The following EPB41L4A variants were observed in gnomAD, a reference collection of about 807,000 sequenced individuals.
EPB41L4A encodes the protein band 4.1-like protein 4A.
Under a neutral mutation model 108.6 loss-of-function variants are expected in EPB41L4A, and 100 were observed. That is an observed-to-expected ratio of 0.92 (90% CI 0.78 to 1.09). The LOEUF (loss-of-function observed/expected upper bound fraction) is 1.09. Among genes scored for constraint, EPB41L4A ranks in the 50% least tolerant of loss-of-function variants. The pLI, the probability that EPB41L4A is intolerant of heterozygous loss-of-function variation, is 0.00. For missense variants in EPB41L4A, 1,030 were observed against 842.7 expected, an observed-to-expected ratio of 1.22 and a Z score of -2.75; for synonymous variants, 319 against 289.0, an observed-to-expected ratio of 1.10 and a Z score of -1.05.
At chr5:112,226,500 G>A (rs1428752701) in intron 12 of EPB41L4A, among the ~76,000 whole-genome samples, 1 of 152,188 alleles carries the variant, frequency 6.6e-6, no homozygotes, top group Non-Finnish European at 1.5e-5. Context: ...ACTTCAAATA[G>A]GGGAAACCAC....
chr5:112,158,887 A>C (rs75330993), downstream of EPB41L4A, among the ~76,000 whole-genome samples: 6 of 152,178 alleles, frequency 3.9e-5, no homozygotes, highest in African/African-American at 1.4e-4. Context: ...AAAACATGTC[A>C]CTGACTTTCC....
intron 1 of EPB41L4A, among the ~76,000 whole-genome samples, chr5:112,314,505 TAAAAAAAAAAAAAAAAA>T (rs552428109): frequency 1.1e-4 from 6 of 55,184 alleles, no homozygotes; most frequent in Admixed American, 2.8e-4. Flanking sequence ...CCATCGCTAC[TAAAAAAAAAAAAAAAAA>T]AAAAAAAAAA....
chr5:112,300,846 G>T (rs6594583), intron 2 of EPB41L4A, among the ~76,000 whole-genome samples: 81,665 of 151,874 alleles, frequency 0.54, 23,735 homozygotes, highest in African/African-American at 0.78. Flanking sequence ...TTTTTTTAAT[G>T]CTTTTTTCTT....
intron 18 of EPB41L4A, among the ~76,000 whole-genome samples, chr5:112,174,089 C>T (rs1332545739): frequency 2.0e-5 from 3 of 152,106 alleles, no homozygotes; most frequent in Admixed American, 6.5e-5. Context: ...TCTGACGTGG[C>T]CAATAGTTTC....
intron 1 of EPB41L4A, among the ~76,000 whole-genome samples, chr5:112,323,650 AC>A (rs1317713010): frequency 6.6e-6 from 1 of 152,100 alleles, no homozygotes; most frequent in Non-Finnish European, 1.5e-5. Flanking sequence ...CTTAAACCAG[AC>A]CCTAAAAAGT....
At chr5:112,213,811 T>C (rs1233112134) in intron 12 of EPB41L4A, among the ~76,000 whole-genome samples, 1 of 152,208 alleles carries the variant, frequency 6.6e-6, no homozygotes, top group African/African-American at 2.4e-5. Flanking sequence ...TGGGAGCACT[T>C]CTGAAGTATC....
chr5:112,201,682 T>C (rs1435742290), intron 15 of EPB41L4A, among the ~76,000 whole-genome samples: 1 of 152,202 alleles, frequency 6.6e-6, no homozygotes, highest in Non-Finnish European at 1.5e-5. Flanking sequence ...CAACACACAA[T>C]ACACACAAAT....
chr5:112,289,260 A>G (rs1753492881), intron 2 of EPB41L4A, among the ~76,000 whole-genome samples: 1 of 152,158 alleles, frequency 6.6e-6, no homozygotes, highest in Non-Finnish European at 1.5e-5. Flanking sequence ...TACTATGGAT[A>G]CTCATTGAAA....
intron 9 of EPB41L4A, among the ~76,000 whole-genome samples, chr5:112,244,160 G>A (rs1035460078): frequency 6.6e-6 from 1 of 152,178 alleles, no homozygotes; most frequent in Non-Finnish European, 1.5e-5. Flanking sequence ...AACTGACCTA[G>A]TTTCAATATT....
At chr5:112,382,796 T>C (rs777306467) in intron 1 of EPB41L4A, among the ~76,000 whole-genome samples, 19 of 152,192 alleles carry the variant, frequency 1.2e-4, no homozygotes, top group Non-Finnish European at 1.5e-4. Flanking sequence ...GGAATTTTCC[T>C]TCCTGGCTTC....
intron 16 of EPB41L4A, among the ~76,000 whole-genome samples, chr5:112,195,125 T>A (rs1761897787): frequency 6.6e-6 from 1 of 152,128 alleles, no homozygotes; most frequent in Admixed American, 6.6e-5. Context: ...GACTAGCCCC[T>A]TAACCGACTG....
At chr5:112,318,086 G>A (rs372211813) in intron 1 of EPB41L4A, among the ~76,000 whole-genome samples, 9 of 152,240 alleles carry the variant, frequency 5.9e-5, no homozygotes, top group African/African-American at 2.2e-4. Flanking sequence ...ACTCAGAGCC[G>A]AGAGATGAGT....
chr5:112,310,126 T>A (rs1240580589), intron 1 of EPB41L4A, among the ~76,000 whole-genome samples: 1 of 152,222 alleles, frequency 6.6e-6, no homozygotes, highest in Non-Finnish European at 1.5e-5. Flanking sequence ...AATGACTGTA[T>A]GTTTAAACCA....
intron 12 of EPB41L4A, among the ~76,000 whole-genome samples, chr5:112,233,827 G>C (rs1369441862): frequency 1.3e-5 from 2 of 151,896 alleles, no homozygotes; most frequent in Non-Finnish European, 2.9e-5. Flanking sequence ...GTCTTGTGTG[G>C]TTTTTGTTGT....
chr5:112,181,908 A>G (rs1372591891), intron 18 of EPB41L4A, among the ~76,000 whole-genome samples: 1 of 152,060 alleles, frequency 6.6e-6, no homozygotes, highest in African/African-American at 2.4e-5. Context: ...CCCCATCTCT[A>G]CTGAAAATAG....
At chr5:112,319,060 G>C (rs1755600647) in intron 1 of EPB41L4A, among the ~76,000 whole-genome samples, 1 of 152,078 alleles carries the variant, frequency 6.6e-6, no homozygotes, top group South Asian at 2.1e-4. Flanking sequence ...CCACATCTTT[G>C]GTTTCTAAAT....
At position 112,419,031 on chromosome 5, in the gene EPB41L4A, A is replaced by G; in HGVS notation, c.9T>C (p.Cys3=). 1 of 1,613,334 alleles carries G rather than the reference A, an allele frequency of 6.2e-7. No individual in the cohort carries two copies. The highest frequency in any genetic ancestry group is 8.5e-7 in the Non-Finnish European group (1 of 1,179,522). The stretch of plus-strand genomic sequence containing the variant: ...AAAATTCTTCCGGAACAGCGCAGAA[A>G]CAGCCCATGTCGGTTGTGGTCGTCT... MG[C]FCAVPEEFYC... The change falls in exon 1 of 23, where the codon TGT becomes TGC. Residue 3 remains cysteine, a synonymous_variant. Coordinates refer to ENST00000261486, the MANE Select transcript of EPB41L4A (RefSeq NM_022140.5).
intron 4 of EPB41L4A, 60 bp from the exon 5 acceptor site, chr5:112,266,390 C>G (rs563638589): frequency 1.6e-5 from 19 of 1,179,618 alleles, no homozygotes; most frequent in Admixed American, 1.3e-4. Flanking sequence ...CCTGAGGTTT[C>G]GGACCCTGAT....
In EPB41L4A at chr5:112,265,443, T is replaced by C. The variant is rs144040216; in HGVS notation, c.434-427A>G. Among the ~76,000 whole-genome samples, 119 of 152,184 alleles carry C rather than the reference T, an allele frequency of 7.8e-4. No individual in the cohort carries two copies. In the Middle Eastern group the frequency reaches 0.02, roughly 26 times the overall value. On this transcript the variant is annotated intron_variant, in intron 5 of 22. Transcript: ENST00000261486. Reference sequence around the variant, plus strand: ...ACACCTTTGCCTGAAATAATGATCATGGAAATGCAATACAATGCTGCACAT... The same window carrying C: ...ACACCTTTGCCTGAAATAATGATCACGGAAATGCAATACAATGCTGCACAT...
Sources: allele counts gnomAD v4.1 joint callset (sites outside exome capture counted in the v4.1 genomes callset), GRCh38; gene constraint gnomAD v4.1.1; transcripts MANE v1.5; gene names NCBI Gene and HGNC (gene_info 2026-07-23, HGNC 2026-07-21).